Variants in JAM3 observed in about 807,000 individuals in gnomAD.
The protein encoded by JAM3 is junctional adhesion molecule 3, also known as junctional adhesion molecule C.
In JAM3, 31 loss-of-function variants were observed where a neutral mutation model predicts 39.4. The ratio of observed to expected loss-of-function variants is 0.79; its 90% CI spans 0.59 to 1.06. The LOEUF is 1.06. Among genes scored for constraint, JAM3 ranks in the 50% least tolerant of loss-of-function variants. The pLI, the probability that JAM3 is intolerant of heterozygous loss-of-function variation, is 0.00. For synonymous variants in JAM3, 182 were observed against 148.7 expected (o/e 1.22, Z -1.63); for missense variants, 455 against 391.4 (o/e 1.16, Z -1.37).
chr11:134,115,191 A>T (rs1293710954), intron 1 of JAM3, among the ~76,000 whole-genome samples: 6 of 152,180 alleles, frequency 3.9e-5, no homozygotes, highest in Non-Finnish European at 8.8e-5. Context: ...ATACTAATAT[A>T]GCCACTCCAC....
chr11:134,114,238 C>T (rs1379860524), intron 1 of JAM3, among the ~76,000 whole-genome samples: 1 of 152,160 alleles, frequency 6.6e-6, no homozygotes, highest in Non-Finnish European at 1.5e-5. Context: ...GTTGCTATTG[C>T]TTTTGATGTT....
At chr11:134,129,994 T>C (rs982010668) in intron 1 of JAM3, among the ~76,000 whole-genome samples, 2 of 151,896 alleles carry the variant, frequency 1.3e-5, no homozygotes, top group African/African-American at 4.8e-5. Flanking sequence ...AGAGTGAGAT[T>C]CTGTCTCCAA....
chr11:134,125,036 G>A (rs1389915120), intron 1 of JAM3, among the ~76,000 whole-genome samples: 2 of 152,186 alleles, frequency 1.3e-5, no homozygotes, highest in African/African-American at 2.4e-5. Flanking sequence ...TGGCGGCGGC[G>A]CGTCTCCACG....
chr11:134,118,619 C>T (rs866133477), intron 1 of JAM3, among the ~76,000 whole-genome samples: 9 of 152,132 alleles, frequency 5.9e-5, no homozygotes, highest in African/African-American at 2.2e-4. Context: ...CTGCCTTCAC[C>T]CTGCCTTTAC....
At chr11:134,124,281 A>G (rs1942596371) in intron 1 of JAM3, 2 of 940,036 alleles carry the variant, frequency 2.1e-6, no homozygotes, top group Non-Finnish European at 3.5e-6. Context: ...AGTTACAAGA[A>G]AACGCATGTT....
intron 3 of JAM3, among the ~76,000 whole-genome samples, chr11:134,143,671 A>C (rs1041890698): frequency 3.0e-4 from 46 of 152,166 alleles, no homozygotes; most frequent in African/African-American, 1.1e-3. Context: ...TGTCCTTTGA[A>C]TTTTGATGAA....
intron 1 of JAM3, among the ~76,000 whole-genome samples, chr11:134,082,950 A>G (rs1314064673): frequency 1.3e-5 from 2 of 152,146 alleles, no homozygotes; most frequent in African/African-American, 4.8e-5. Context: ...GCATTATGTT[A>G]TTCTCTTATT....
At chr11:134,127,079 GTAGT>G (rs1261563095) in intron 1 of JAM3, among the ~76,000 whole-genome samples, 29 of 152,230 alleles carry the variant, frequency 1.9e-4, no homozygotes, top group Non-Finnish European at 3.4e-4. Context: ...ACCAAAGCGT[GTAGT>G]TAATCTCTTG....
chr11:134,091,510 A>G (rs962134159), intron 1 of JAM3, among the ~76,000 whole-genome samples: 3 of 146,700 alleles, frequency 2.0e-5, no homozygotes, highest in Non-Finnish European at 4.5e-5. Context: ...AAATAAATAG[A>G]TAGATAGATG....
chr11:134,100,190 T>C (rs1293146476), intron 1 of JAM3, among the ~76,000 whole-genome samples: 2 of 152,150 alleles, frequency 1.3e-5, no homozygotes, highest in Non-Finnish European at 2.9e-5. Context: ...AGTGGTCAGT[T>C]CCTATCTCTA....
At chr11:134,104,681 C>T (rs894607341) in intron 1 of JAM3, among the ~76,000 whole-genome samples, 9 of 152,152 alleles carry the variant, frequency 5.9e-5, no homozygotes, top group South Asian at 4.2e-4. Flanking sequence ...ATATCGCCAC[C>T]GATCCTACAG....
intron 2 of JAM3, 73 bp from the exon 3 acceptor site, chr11:134,140,584 C>A: frequency 8.2e-7 from 1 of 1,214,618 alleles, no homozygotes; most frequent in Non-Finnish European, 1.2e-6. Context: ...TTAGAGCTTG[C>A]AGGGTCTGGG....
chr11:134,111,371 T>A (rs992915466), intron 1 of JAM3, among the ~76,000 whole-genome samples: 2 of 152,076 alleles, frequency 1.3e-5, no homozygotes, highest in Non-Finnish European at 1.5e-5. Flanking sequence ...CTCAATCTCC[T>A]GACCTCGTGT....
chr11:134,130,811 C>T (rs1350834629), intron 1 of JAM3, among the ~76,000 whole-genome samples: 3 of 152,178 alleles, frequency 2.0e-5, no homozygotes, highest in Non-Finnish European at 4.4e-5. Flanking sequence ...ATGTCTATTC[C>T]AGCCTTTCTG....
chr11:134,079,745 T>G (rs909582030), intron 1 of JAM3, among the ~76,000 whole-genome samples: 1 of 152,166 alleles, frequency 6.6e-6, no homozygotes, highest in Non-Finnish European at 1.5e-5. Flanking sequence ...GATATATGAG[T>G]TTTAGATCCA....
intron 1 of JAM3, among the ~76,000 whole-genome samples, chr11:134,093,880 C>G (rs1337534243): frequency 5.1e-5 from 5 of 98,362 alleles, no homozygotes; most frequent in African/African-American, 2.6e-4. Context: ...TCTCCTGAAC[C>G]CTCCTTATTC....
chr11:134,095,139 A>G (rs1174729707), intron 1 of JAM3, among the ~76,000 whole-genome samples: 2 of 152,214 alleles, frequency 1.3e-5, no homozygotes, highest in Non-Finnish European at 2.9e-5. Context: ...CAAATGTGAG[A>G]GGCAGAAAAG....
rs1055001006 is a variant in JAM3 at position 134,151,770 on chromosome 11, T to C, written c.*2589T>C. 6.6e-6 allele frequency: 1 copy of C among 152,208 alleles called. No homozygotes were observed. The highest frequency in any genetic ancestry group is 2.4e-5 in the African/African-American group (1 of 41,444). 9.4% of individuals were successfully genotyped at this position (152,208 alleles called of 1,614,324 possible). A position where few individuals can be genotyped will look rare whatever the true frequency, so the allele number is the denominator to read the frequency against. On this transcript the variant is annotated 3_prime_UTR_variant, in exon 9 of 9. Transcript: ENST00000299106. ...AAAACCCAAACATTGCTTCATTCTT[T>C]GTTATTTGCTCTTACGTTGGGTTTG...
chr11:134,140,508 C>G, intron 2 of JAM3, 149 bp from the exon 3 acceptor site: 1 of 681,882 alleles, frequency 1.5e-6, no homozygotes, highest in Non-Finnish European at 2.6e-6. Context: ...GCAAAAAATC[C>G]TTTCTCAAAG....
Sources: allele counts gnomAD v4.1 joint callset (sites outside exome capture counted in the v4.1 genomes callset), GRCh38; gene constraint gnomAD v4.1.1; transcripts MANE v1.5; gene names NCBI Gene and HGNC (gene_info 2026-07-23, HGNC 2026-07-21).